DNAJC5: variants seen among roughly 807,000 people sequenced by gnomAD.
DNAJC5 encodes the protein dnaJ homolog subfamily C member 5.
DNAJC5 carries 1 observed loss-of-function variant against 23.2 expected under a neutral mutation model. The ratio of observed to expected loss-of-function variants is 0.04; its 90% CI spans 0.02 to 0.20. The LOEUF is 0.20. Among genes scored for constraint, DNAJC5 ranks in the 10% least tolerant of loss-of-function variants. DNAJC5 has a pLI of 1.00. For synonymous variants in DNAJC5, 136 were observed against 120.0 expected (o/e 1.13, Z -0.87); for missense variants, 180 against 267.0 (o/e 0.67, Z 2.27).
intron 1 of DNAJC5, among the ~76,000 whole-genome samples, chr20:63,924,594 C>T (rs1177845933): frequency 1.3e-5 from 2 of 152,090 alleles, no homozygotes; most frequent in African/African-American, 4.8e-5. Flanking sequence ...TGGCTCATGC[C>T]TGTAATCGCA....
rs906001440 is a variant in DNAJC5 at position 63,928,779 on chromosome 20, T to A, written c.107+327T>A. On this transcript the variant is annotated intron_variant, in intron 2 of 4. Coordinates refer to ENST00000360864, the MANE Select transcript of DNAJC5 (RefSeq NM_025219.3). This position sits in a 1 kb window ranked among gnomAD's most constrained non-coding sequence, Gnocchi z 4.6. ...GGCATGGTCCTGTGGTCTCCTTGTT[T>A]TAGCACAGTGATGACAGAGACCCCT... is the stretch of plus-strand genomic sequence containing the variant. 6.6e-6 allele frequency among the ~76,000 whole-genome samples: 1 copy of A among 152,130 alleles called. No homozygotes were observed. The highest frequency in any genetic ancestry group is 1.5e-5 in the Non-Finnish European group (1 of 68,026).
Position 63,918,289 on chromosome 20 carries a change from G to A in DNAJC5, c.-11-10046G>A, listed in dbSNP as rs183638811. ...CCCAGCTACTCAGAGCCTGAAGGTG[G>A]GAGATCACTTCAGCCTGGGAGTTTG... On this transcript the variant is annotated intron_variant, in intron 1 of 4. Transcript: ENST00000360864. Among the ~76,000 whole-genome samples the A allele has an allele frequency of 9.2e-5, 14 of 152,274 alleles. No homozygotes were observed. In the East Asian group the frequency reaches 2.5e-3, roughly 27 times the overall value.
rs2053702338 is a variant in DNAJC5, at chr20:63,934,569, C to T, written c.*3001C>T. ...GGCCCTGCGGGCCCTTTCACGGCAGCTGCTGCTGTATAGATTTGTCTCCAC... is the reference window on the plus strand; with the variant it reads ...GGCCCTGCGGGCCCTTTCACGGCAGTTGCTGCTGTATAGATTTGTCTCCAC... On this transcript the variant is annotated 3_prime_UTR_variant, in exon 5 of 5. Transcript: ENST00000360864. 6.6e-6 allele frequency: 1 copy of T among 152,294 alleles called. No individual in the cohort carries two copies. The highest frequency in any genetic ancestry group is 1.5e-5 in the Non-Finnish European group (1 of 68,074). 9.4% of individuals were successfully genotyped at this position (152,294 alleles called of 1,614,324 possible). A position where few individuals can be genotyped will look rare whatever the true frequency, so the allele number is the denominator to read the frequency against.
intron 1 of DNAJC5, among the ~76,000 whole-genome samples, chr20:63,903,039 C>T (rs2053425020): frequency 6.6e-6 from 1 of 152,070 alleles, no homozygotes; most frequent in South Asian, 2.1e-4. Flanking sequence ...AGAGGAGTGA[C>T]ACAGTCTTAG....
In DNAJC5 at chr20:63,920,113, C is replaced by T. The variant is rs985563256; in HGVS notation, c.-11-8222C>T. 7.5e-5 allele frequency among the ~76,000 whole-genome samples: 11 copies of T among 146,870 alleles called. No homozygotes were observed. The highest frequency in any genetic ancestry group is 1.1e-4 in the Non-Finnish European group (7 of 66,374). ...GCTGTGTGGACATGTGCCCAGGGCC[C>T]GGGACAGCGCCACGGAAGAGGACGC... is the stretch of plus-strand genomic sequence containing the variant. On this transcript the variant is annotated intron_variant, in intron 1 of 4. Transcript: ENST00000360864. The surrounding 1 kb of genome is among the most constrained non-coding windows in gnomAD (Gnocchi z 4.6).
At chr20:63,918,099 T>C (rs1227453712) in intron 1 of DNAJC5, among the ~76,000 whole-genome samples, 1 of 152,206 alleles carries the variant, frequency 6.6e-6, no homozygotes, top group Non-Finnish European at 1.5e-5. Flanking sequence ...CCAGATGTCC[T>C]TCGGTGCAAG....
intron 1 of DNAJC5, among the ~76,000 whole-genome samples, chr20:63,908,131 C>T (rs1044773733): frequency 1.3e-5 from 2 of 152,218 alleles, no homozygotes; most frequent in African/African-American, 4.8e-5. Context: ...TACTTGGTTG[C>T]ATACTAGACT....
intron 1 of DNAJC5, among the ~76,000 whole-genome samples, chr20:63,905,568 A>ATT (rs543822378): frequency 3.8e-5 from 5 of 130,114 alleles, no homozygotes; most frequent in African/African-American, 5.7e-5. Flanking sequence ...CACATGGCAG[A>ATT]TTTTTTTTTT....
Position 63,931,888 on chromosome 20 carries a change from T to A in DNAJC5, c.*320T>A, listed in dbSNP as rs2053675848. 4.9e-6 allele frequency: 2 copies of A among 406,654 alleles called. No homozygotes were observed. Among genetic ancestry groups the A allele is most frequent in the African/African-American group, 4.1e-5 (2 of 48,826 alleles). 25.2% of individuals were successfully genotyped at this position (406,654 alleles called of 1,614,324 possible). Reference sequence around the variant, plus strand: ...GCACGGTGGAGCTGCCTCAGGGCTGTCGGTCAGGTTGGTCCAGTGAGGGGT... The same window carrying A: ...GCACGGTGGAGCTGCCTCAGGGCTGACGGTCAGGTTGGTCCAGTGAGGGGT... On this transcript the variant is annotated 3_prime_UTR_variant, in exon 5 of 5. Transcript: ENST00000360864. The surrounding 1 kb of genome is among the most constrained non-coding windows in gnomAD (Gnocchi z 9.6).
At chr20:63,918,451 G>C (rs1247091873) in intron 1 of DNAJC5, among the ~76,000 whole-genome samples, 1 of 152,144 alleles carries the variant, frequency 6.6e-6, no homozygotes, top group African/African-American at 2.4e-5. Context: ...ATAAACATGA[G>C]GTAATTTTTT....
intron 1 of DNAJC5, among the ~76,000 whole-genome samples, chr20:63,912,848 C>G (rs560744515): frequency 6.6e-6 from 1 of 152,182 alleles, no homozygotes; most frequent in African/African-American, 2.4e-5. Flanking sequence ...ACCTCGTGAT[C>G]TGGCCACCTT....
rs1388255986 is a variant in DNAJC5, at chr20:63,934,272, C to G, written c.*2704C>G. Reference sequence around the variant, plus strand: ...AAAGAGGTGGTGAGTCCTGGGGCAGCTTCCGCGCCTCCCTGTCCACGTGCT... The same window carrying G: ...AAAGAGGTGGTGAGTCCTGGGGCAGGTTCCGCGCCTCCCTGTCCACGTGCT... On this transcript the variant is annotated 3_prime_UTR_variant, in exon 5 of 5. Transcript: ENST00000360864. The G allele has an allele frequency of 6.6e-6, 1 of 152,288 alleles. No homozygotes were observed. Among genetic ancestry groups the G allele is most frequent in the Non-Finnish European group, 1.5e-5 (1 of 68,060 alleles). The allele number at this position is 152,288 out of a possible 1,614,324, so 9.4% of individuals were successfully genotyped here.
At position 63,929,206 on chromosome 20, in the gene DNAJC5, C is replaced by A; in HGVS notation, c.108-106C>A. ...GGACAGTGAGGTGGCCTGGGTGGAC[C>A]TGCCTTCCACTGCACCCGGCAGTGC... is the stretch of plus-strand genomic sequence containing the variant. On this transcript the variant is annotated intron_variant, in intron 2 of 4. Transcript: ENST00000360864. The surrounding 1 kb of genome is among the most constrained non-coding windows in gnomAD (Gnocchi z 8.6). 1.5e-6 allele frequency: 2 copies of A among 1,346,264 alleles called. No homozygotes were observed. The highest frequency in any genetic ancestry group is 2.5e-5 in the South Asian group (2 of 79,806). 83.4% of individuals were successfully genotyped at this position (1,346,264 alleles called of 1,614,324 possible). A position where few individuals can be genotyped will look rare whatever the true frequency, so the allele number is the denominator to read the frequency against.
intron 1 of DNAJC5, among the ~76,000 whole-genome samples, chr20:63,909,755 C>T (rs938685589): frequency 6.6e-6 from 1 of 152,328 alleles, no homozygotes; most frequent in Admixed American, 6.5e-5. Flanking sequence ...GGTTTTATGC[C>T]TTTTCTTCCG....
At chr20:63,898,908 G>A (rs1044323368) in intron 1 of DNAJC5, among the ~76,000 whole-genome samples, 2 of 152,158 alleles carry the variant, frequency 1.3e-5, no homozygotes, top group Admixed American at 1.3e-4. Context: ...TGATTAGAAC[G>A]TTCTCGTGCC....
At chr20:63,917,769 C>A (rs1374295278) in intron 1 of DNAJC5, among the ~76,000 whole-genome samples, 2 of 152,146 alleles carry the variant, frequency 1.3e-5, no homozygotes, top group Non-Finnish European at 1.5e-5. Context: ...GTTGACCAGG[C>A]TGGTCTTGAA....
intron 1 of DNAJC5, among the ~76,000 whole-genome samples, chr20:63,902,016 TGTTA>T (rs975884709): frequency 1.2e-4 from 19 of 152,180 alleles, no homozygotes; most frequent in East Asian, 1.9e-4. Context: ...CAATAAATTT[TGTTA>T]GTTCTTTCTT....
At chr20:63,909,603 C>T (rs189388229) in intron 1 of DNAJC5, among the ~76,000 whole-genome samples, 1 of 152,272 alleles carries the variant, frequency 6.6e-6, no homozygotes, top group Non-Finnish European at 1.5e-5. Flanking sequence ...ATCACTTGAG[C>T]CTGGGAGGCA....
At chr20:63,912,195 C>T (rs141306405) in intron 1 of DNAJC5, among the ~76,000 whole-genome samples, 6,983 of 151,568 alleles carry the variant, frequency 0.046, 308 homozygotes, top group Non-Finnish European at 0.062. Flanking sequence ...CCCAGCTACT[C>T]GGGAAGCTGA....
Sources: allele counts gnomAD v4.1 joint callset (sites outside exome capture counted in the v4.1 genomes callset), GRCh38; gene constraint gnomAD v4.1.1; non-coding constraint Gnocchi (gnomAD v3.1); transcripts MANE v1.5; gene names NCBI Gene and HGNC (gene_info 2026-07-23, HGNC 2026-07-21).